The following MAP2K4 variants were observed in gnomAD, a reference collection of about 807,000 sequenced individuals.
MAP2K4 encodes the protein mitogen-activated protein kinase kinase 4.
MAP2K4 carries 4 observed loss-of-function variants against 48.5 expected under a neutral mutation model. The observed-to-expected ratio is 0.08, with a 90% CI of 0.04 to 0.19. The LOEUF is 0.19. Ranked by LOEUF, MAP2K4 falls within the 10% of genes least tolerant of loss-of-function variation. The probability of loss-of-function intolerance (pLI) is 1.00; values close to 1 mark genes in which losing one functional copy is unlikely to be tolerated. For synonymous variants in MAP2K4, 166 were observed against 173.1 expected (o/e 0.96, Z 0.32); for missense variants, 258 against 493.3 (o/e 0.52, Z 4.52).
intron 9 of MAP2K4, among the ~76,000 whole-genome samples, chr17:12,138,763 A>G (rs1347032775): frequency 6.6e-6 from 1 of 152,190 alleles, no homozygotes; most frequent in African/African-American, 2.4e-5. Flanking sequence ...ACCAATGAGA[A>G]GGAAACGAGA....
At chr17:12,141,027 G>C in intron 10 of MAP2K4, 120 bp from the exon 11 acceptor site, 1 of 662,030 alleles carries the variant, frequency 1.5e-6, no homozygotes, top group Non-Finnish European at 2.7e-6. Context: ...GTAGTGTTGC[G>C]GTATTTCATA....
At chr17:12,132,794 G>C (rs547559347) in intron 9 of MAP2K4, among the ~76,000 whole-genome samples, 1 of 152,234 alleles carries the variant, frequency 6.6e-6, no homozygotes, top group African/African-American at 2.4e-5. Context: ...AGTGCAGAAG[G>C]GTGCTGAGCG....
rs1353218981 is a variant in MAP2K4 at position 12,141,529 on chromosome 17, G to C, written c.*269G>C. On this transcript the variant is annotated 3_prime_UTR_variant, in exon 11 of 11. Coordinates refer to ENST00000353533, the MANE Select transcript of MAP2K4 (RefSeq NM_003010.4). ...ATTCATGAAATGTGGAAGTCAGTAC[G>C]ATCAAGTTGTTGACTGTGATTAGAT... is the stretch of plus-strand genomic sequence containing the variant. 4.3e-6 allele frequency: 2 copies of C among 463,662 alleles called. No homozygotes were observed. Among genetic ancestry groups the C allele is most frequent in the Non-Finnish European group, 7.8e-6 (2 of 257,084 alleles). 28.7% of individuals were successfully genotyped at this position (463,662 alleles called of 1,614,324 possible). A position where few individuals can be genotyped will look rare whatever the true frequency, so the allele number is the denominator to read the frequency against.
intron 3 of MAP2K4, among the ~76,000 whole-genome samples, chr17:12,089,110 C>A (rs56278420): frequency 0.17 from 25,564 of 151,924 alleles, 2,523 homozygotes; most frequent in South Asian, 0.3. Context: ...GACGGGGTTT[C>A]ACCGTGTTAG....
intron 7 of MAP2K4, among the ~76,000 whole-genome samples, chr17:12,122,832 CTGT>C (rs1183385019): frequency 6.6e-6 from 1 of 152,070 alleles, no homozygotes; most frequent in Non-Finnish European, 1.5e-5. Context: ...GTTGTTATTT[CTGT>C]TGTTATTAGT....
intron 1 of MAP2K4, among the ~76,000 whole-genome samples, chr17:12,049,896 C>T (rs996007297): frequency 6.6e-6 from 1 of 152,136 alleles, no homozygotes; most frequent in Admixed American, 6.5e-5. Context: ...AAATAACCTA[C>T]AGTGAACTCA....
At chr17:12,138,519 G>A (rs1973276762) in intron 9 of MAP2K4, among the ~76,000 whole-genome samples, 1 of 151,976 alleles carries the variant, frequency 6.6e-6, no homozygotes, top group Non-Finnish European at 1.5e-5. Context: ...AATAGACTGA[G>A]GAAGAGGAGG....
chr17:12,081,407 C>G lies in MAP2K4; in HGVS notation c.270C>G (p.Ser90=), dbSNP rs1207175629. 6.2e-7 allele frequency: 1 copy of G among 1,613,906 alleles called. No individual in the cohort carries two copies. Among genetic ancestry groups the G allele is most frequent in the Admixed American group, 1.7e-5 (1 of 60,014 alleles). Reference sequence around the variant, plus strand: ...AGTCATCAGGAAAACTGAAGATCTCCCCTGAACAACACTGGGATTTCACTG... The same window carrying G: ...AGTCATCAGGAAAACTGAAGATCTCGCCTGAACAACACTGGGATTTCACTG... ...SIESSGKLKI[S]PEQHWDFTAE... Residue 90 remains serine (S), a synonymous_variant, in exon 3 of 11, where the codon TCC becomes TCG. Transcript: ENST00000353533. The surrounding 1 kb of genome is among the most constrained non-coding windows in gnomAD (Gnocchi z 4.2).
At position 12,129,246 on chromosome 17, in the gene MAP2K4, A is replaced by G; in HGVS notation, c.999A>G (p.Glu333=). The G allele has an allele frequency of 6.2e-7, 1 of 1,614,256 alleles. No individual in the cohort carries two copies. Among genetic ancestry groups the G allele is most frequent in the South Asian group, 1.1e-5 (1 of 91,088 alleles). ...GDPPQLSNSE[E]REFSPSFINF... ...CTCCGCAGCTGAGTAATTCTGAGGA[A>G]AGGGAATTCTCCCCGAGTTTCATCA... The change falls in exon 9 of 11, where the codon GAA becomes GAG. Residue 333 remains glutamate (E), a synonymous_variant. Transcript: ENST00000353533.
At chr17:12,131,156 C>T (rs560017701) in intron 9 of MAP2K4, among the ~76,000 whole-genome samples, 1 of 151,536 alleles carries the variant, frequency 6.6e-6, no homozygotes, top group Non-Finnish European at 1.5e-5. Flanking sequence ...GAGACTTCCT[C>T]TTGTCCTTAA....
intron 6 of MAP2K4, among the ~76,000 whole-genome samples, chr17:12,111,200 T>G (rs1361678210): frequency 3.9e-5 from 6 of 152,174 alleles, no homozygotes; most frequent in African/African-American, 1.4e-4. Context: ...AAGTAAAGGG[T>G]CAAAATGAAG....
intron 2 of MAP2K4, among the ~76,000 whole-genome samples, chr17:12,076,093 G>A (rs1414876263): frequency 6.6e-6 from 1 of 152,154 alleles, no homozygotes; most frequent in Non-Finnish European, 1.5e-5. Context: ...GAGGGTGGGA[G>A]TGAAGGTGGA....
intron 9 of MAP2K4, among the ~76,000 whole-genome samples, chr17:12,130,052 C>T (rs1459686118): frequency 1.3e-5 from 2 of 152,184 alleles, no homozygotes; most frequent in Non-Finnish European, 2.9e-5. Flanking sequence ...CAAAAAGCCT[C>T]AGAGCATTTT....
chr17:12,053,080 G>A (rs1345987135), intron 1 of MAP2K4, among the ~76,000 whole-genome samples: 1 of 152,022 alleles, frequency 6.6e-6, no homozygotes, highest in East Asian at 1.9e-4. Context: ...ATTATCCAGG[G>A]CAAATTCCAT....
At position 12,107,852 on chromosome 17, in the gene MAP2K4, A is replaced by G. The variant is rs374022234; in HGVS notation, c.576A>G (p.Val192=). The G allele has an allele frequency of 5.6e-6, 9 of 1,605,180 alleles. No individual in the cohort carries two copies. The highest frequency in any genetic ancestry group is 2.7e-5 in the African/African-American group (2 of 74,444). ...STSFDKFYKY[V]YSVLDDVIPE... is the part of the protein sequence containing the mutation. ...CGTTTGATAAGTTTTACAAATATGT[A>G]TATAGTGTATTAGATGATGTTATTC... is the stretch of plus-strand genomic sequence containing the variant. Residue 192 remains valine, a synonymous_variant, in exon 5 of 11, where the codon GTA becomes GTG. Transcript: ENST00000353533.
chr17:12,112,243 A>C (rs1972330147), intron 6 of MAP2K4, among the ~76,000 whole-genome samples: 1 of 152,118 alleles, frequency 6.6e-6, no homozygotes, highest in Non-Finnish European at 1.5e-5. Flanking sequence ...CAGCTGGATC[A>C]CTTGAGGTCA....
At chr17:12,080,250 A>C (rs1046297869) in intron 2 of MAP2K4, among the ~76,000 whole-genome samples, 1 of 152,218 alleles carries the variant, frequency 6.6e-6, no homozygotes, top group Non-Finnish European at 1.5e-5. Flanking sequence ...ATGACCAAGC[A>C]CATAAACTTT....
chr17:12,095,269 C>T (rs551459799), intron 3 of MAP2K4, among the ~76,000 whole-genome samples: 53 of 152,244 alleles, frequency 3.5e-4, no homozygotes, highest in African/African-American at 1.2e-3. Flanking sequence ...TTTATATTTG[C>T]ATGTGGGGGT....
chr17:12,047,774 C>A (rs964236505), intron 1 of MAP2K4, among the ~76,000 whole-genome samples: 3 of 152,116 alleles, frequency 2.0e-5, no homozygotes, highest in South Asian at 2.1e-4. Context: ...ATAGTAGTTA[C>A]CACTTTTCAT....
Sources: allele counts gnomAD v4.1 joint callset (sites outside exome capture counted in the v4.1 genomes callset), GRCh38; gene constraint gnomAD v4.1.1; non-coding constraint Gnocchi (gnomAD v3.1); transcripts MANE v1.5; gene names NCBI Gene and HGNC (gene_info 2026-07-23, HGNC 2026-07-21).